The following TBC1D1 variants were observed in gnomAD, a reference collection of about 807,000 sequenced individuals.
TBC1D1 encodes the protein TBC1 domain family member 1, also known as TBC1 (tre-2/USP6, BUB2, cdc16) domain family, member 1.
TBC1D1 carries 89 observed loss-of-function variants against 125.6 expected under a neutral mutation model. The observed-to-expected ratio is 0.71, with a 90% confidence interval of 0.60 to 0.85. The LOEUF (loss-of-function observed/expected upper bound fraction) is 0.85, where lower values mean the gene tolerates loss of function less well. Ranked by LOEUF, TBC1D1 falls within the 40% of genes least tolerant of loss-of-function variation. The pLI is 0.00. For missense variants in TBC1D1, 1,377 were observed against 1,469.2 expected, an observed-to-expected ratio of 0.94 and a Z score of 1.03; for synonymous variants, 565 against 564.1, an observed-to-expected ratio of 1.00 and a Z score of -0.02.
In TBC1D1 at chr4:38,137,234, C is replaced by T. The variant is rs766617088; in HGVS notation, c.3406C>T (p.Arg1136Trp). The T allele has an allele frequency of 9.9e-6, 16 of 1,612,310 alleles. No homozygotes were observed. The highest frequency in any genetic ancestry group is 4.5e-5 in the East Asian group (2 of 44,874). Residue 1136 changes from arginine to tryptophan, a missense_variant, in exon 20 of 20, where the codon CGG (arginine) becomes TGG (tryptophan). Arg to Trp is a moderately radical substitution (Grantham distance 101). This residue lies in a region of TBC1D1 where 543 missense variants were observed against 613.5 expected (regional missense o/e 0.89). Transcript: ENST00000261439. The stretch of plus-strand genomic sequence containing the variant: ...GGCCATGCTTACCTTAGAACTGGAG[C>T]GGTCGGCCCTGCTGCAGACGGTGGA...
At chr4:37,919,679 T>C (rs1381691758) in intron 2 of TBC1D1, among the ~76,000 whole-genome samples, 1 of 152,222 alleles carries the variant, frequency 6.6e-6, no homozygotes, top group Non-Finnish European at 1.5e-5. Context: ...AGCTTCCTCC[T>C]CTTTTGACAC....
At chr4:37,919,582 T>TA (rs1201935795) in intron 2 of TBC1D1, among the ~76,000 whole-genome samples, 3 of 151,686 alleles carry the variant, frequency 2.0e-5, no homozygotes, top group East Asian at 3.9e-4. Flanking sequence ...GATCACTGGT[T>TA]AAAAAAAAGA....
chr4:38,135,912 GTGTGTGTGTA>G (rs1256262717), intron 19 of TBC1D1, among the ~76,000 whole-genome samples: 7 of 109,822 alleles, frequency 6.4e-5, no homozygotes, highest in Non-Finnish European at 1.2e-4. Context: ...GTATATATAC[GTGTGTGTGTA>G]TATGTGTGTG....
intron 12 of TBC1D1, among the ~76,000 whole-genome samples, chr4:38,084,417 G>A (rs918013180): frequency 7.2e-5 from 11 of 152,238 alleles, no homozygotes; most frequent in Non-Finnish European, 1.6e-4. Flanking sequence ...ATGCATATCT[G>A]CTGTTTCCCA....
At chr4:37,913,680 A>T (rs1719105188) in intron 2 of TBC1D1, among the ~76,000 whole-genome samples, 1 of 151,254 alleles carries the variant, frequency 6.6e-6, no homozygotes, top group Admixed American at 6.6e-5. Flanking sequence ...GATATCTCCC[A>T]TATCACCCTC....
At chr4:38,051,969 C>G (rs778189148) in intron 11 of TBC1D1, 1 of 1,550,712 alleles carries the variant, frequency 6.4e-7, no homozygotes, top group Admixed American at 2.0e-5. Context: ...TCCTCCACCT[C>G]GTCTTAACCC....
At chr4:38,092,569 A>AT (rs1239950439) in intron 13 of TBC1D1, among the ~76,000 whole-genome samples, 6 of 151,786 alleles carry the variant, frequency 4.0e-5, no homozygotes, top group Admixed American at 2.0e-4. Flanking sequence ...TGTCTCTACT[A>AT]TAATTACAAA....
intron 2 of TBC1D1, among the ~76,000 whole-genome samples, chr4:37,989,364 C>T (rs1382716377): frequency 3.3e-5 from 5 of 152,212 alleles, no homozygotes; most frequent in African/African-American, 1.2e-4. Flanking sequence ...ACCTCCCCTC[C>T]ACCTTCAAGT....
intron 2 of TBC1D1, among the ~76,000 whole-genome samples, chr4:37,902,774 G>A (rs927366901): frequency 1.3e-5 from 2 of 152,220 alleles, no homozygotes; most frequent in Non-Finnish European, 2.9e-5. Context: ...AAGAGCAGAA[G>A]TGTTAAGATG....
chr4:37,900,639 A>T (rs957255884), intron 1 of TBC1D1, among the ~76,000 whole-genome samples: 90 of 152,274 alleles, frequency 5.9e-4, no homozygotes, highest in African/African-American at 1.8e-3. Context: ...GGAGCTGGAT[A>T]CAGGAGAGAC....
chr4:37,966,675 G>A (rs1473553713), intron 2 of TBC1D1, among the ~76,000 whole-genome samples: 4 of 151,978 alleles, frequency 2.6e-5, no homozygotes, highest in South Asian at 4.2e-4. Flanking sequence ...ATACATGTAC[G>A]AAACGTGCAG....
chr4:37,933,870 G>A (rs574826195), intron 2 of TBC1D1, among the ~76,000 whole-genome samples: 33 of 152,088 alleles, frequency 2.2e-4, no homozygotes, highest in African/African-American at 7.2e-4. Flanking sequence ...TGTTAATTTG[G>A]GGAAAAAAAA....
intron 2 of TBC1D1, among the ~76,000 whole-genome samples, chr4:37,919,956 C>CA (rs761203504): frequency 2.0e-5 from 3 of 151,980 alleles, no homozygotes; most frequent in South Asian, 2.1e-4. Context: ...ACTGAAAATA[C>CA]AAAAAAATGA....
intron 5 of TBC1D1, among the ~76,000 whole-genome samples, chr4:38,021,271 A>T (rs943460165): frequency 1.3e-5 from 2 of 152,170 alleles, no homozygotes; most frequent in African/African-American, 2.4e-5. Context: ...CACTCCCATG[A>T]TTCAATTACC....
At chr4:38,104,798 C>G (rs535783480) in intron 15 of TBC1D1, among the ~76,000 whole-genome samples, 10 of 151,640 alleles carry the variant, frequency 6.6e-5, no homozygotes, top group South Asian at 4.2e-4. Flanking sequence ...CTCTGTCGCC[C>G]AGGCTAGAGT....
At chr4:38,132,185 G>GTTT (rs1161564097) in intron 18 of TBC1D1, among the ~76,000 whole-genome samples, 26 of 144,348 alleles carry the variant, frequency 1.8e-4, no homozygotes, top group African/African-American at 4.3e-4. Flanking sequence ...ATCTAGCAGG[G>GTTT]TTTTTTTTTT....
intron 2 of TBC1D1, among the ~76,000 whole-genome samples, chr4:37,930,434 A>G (rs1286814268): frequency 1.3e-5 from 2 of 151,518 alleles, no homozygotes; most frequent in African/African-American, 2.4e-5. Context: ...TGATCCTCCC[A>G]CCTTAGCCTC....
Position 38,035,620 on chromosome 4 carries a change from T to A in TBC1D1, c.1335T>A (p.Asn445Lys). The change falls in exon 8 of 20, where the codon AAT (asparagine) becomes AAA (lysine). Residue 445 changes from asparagine (N) to lysine (K), a missense_variant. This residue lies in a region of TBC1D1 where 822 missense variants were observed against 824.6 expected (regional missense o/e 1.00). Coordinates refer to ENST00000261439, the MANE Select transcript of TBC1D1 (RefSeq NM_015173.4). ...GACCGAGAAATGAGCAGCGAGAGAA[T>A]GAATTGATTATTTCTTTTCTGAGAT... The A allele has an allele frequency of 6.2e-7, 1 of 1,613,952 alleles. No individual in the cohort carries two copies. The highest frequency in any genetic ancestry group is 1.3e-5 in the African/African-American group (1 of 75,058).
At chr4:38,028,573 A>T (rs1222022156) in intron 7 of TBC1D1, among the ~76,000 whole-genome samples, 1 of 152,256 alleles carries the variant, frequency 6.6e-6, no homozygotes, top group Non-Finnish European at 1.5e-5. Context: ...ACAGTCTCAT[A>T]GAGTGTCCAG....
Sources: allele counts gnomAD v4.1 joint callset (sites outside exome capture counted in the v4.1 genomes callset), GRCh38; gene constraint gnomAD v4.1.1; regional missense constraint gnomAD v4.1.1; transcripts MANE v1.5; gene names NCBI Gene and HGNC (gene_info 2026-07-23, HGNC 2026-07-21).